RGPD4: variants seen among roughly 807,000 people sequenced by gnomAD.
RGPD4 encodes the protein RANBP2 like and GRIP domain containing 4, also known as ranBP2-like and GRIP domain-containing protein 4.
RGPD4 carries 84 observed loss-of-function variants against 141.1 expected under a neutral mutation model. That is an observed-to-expected ratio of 0.60 (90% CI 0.50 to 0.71). RGPD4 has a LOEUF of 0.71. Ranked by LOEUF, RGPD4 falls within the 30% of genes least tolerant of loss-of-function variation. The pLI, the probability that RGPD4 is intolerant of heterozygous loss-of-function variation, is 0.00. For missense variants in RGPD4, 918 were observed against 1,622.4 expected, an observed-to-expected ratio of 0.57 and a Z score of 7.46; for synonymous variants, 298 against 566.8, an observed-to-expected ratio of 0.53 and a Z score of 6.74.
chr2:107,846,108 A>G (rs1681932851), intron 6 of RGPD4, among the ~76,000 whole-genome samples: 2 of 136,934 alleles, frequency 1.5e-5, no homozygotes, highest in African/African-American at 2.9e-5. Flanking sequence ...TTGTATTTTT[A>G]GTAGAGATGG....
At chr2:107,832,652 G>A (rs1300910755) in intron 1 of RGPD4, among the ~76,000 whole-genome samples, 2 of 141,270 alleles carry the variant, frequency 1.4e-5, no homozygotes, top group Non-Finnish European at 3.1e-5. Context: ...ATACTGGTCA[G>A]GCTGGTCTGG....
intron 22 of RGPD4, among the ~76,000 whole-genome samples, chr2:107,888,698 T>C (rs832341): frequency 0.66 from 47,901 of 72,308 alleles, 17,558 homozygotes; most frequent in African/African-American, 0.8. Flanking sequence ...ATCTTGCTAG[T>C]GGACTCTCTC....
chr2:107,852,296 G>A (rs1357638593), intron 7 of RGPD4, among the ~76,000 whole-genome samples: 3 of 151,740 alleles, frequency 2.0e-5, no homozygotes, highest in South Asian at 2.1e-4. Context: ...ATTTGATTGA[G>A]TGGATTCACA....
intron 17 of RGPD4, among the ~76,000 whole-genome samples, chr2:107,863,564 C>T (rs1682630376): frequency 6.6e-6 from 1 of 151,460 alleles, no homozygotes; most frequent in South Asian, 2.1e-4. Flanking sequence ...GCAATCTTGG[C>T]TCACTGCAAC....
At chr2:107,829,446 G>C (rs1681378637) in intron 1 of RGPD4, among the ~76,000 whole-genome samples, 1 of 42,508 alleles carries the variant, frequency 2.4e-5, no homozygotes, top group African/African-American at 7.0e-5. Flanking sequence ...TTGAGGCGGC[G>C]GCCTCTACCT....
At position 107,872,886 on chromosome 2, in the gene RGPD4, G is replaced by A; in HGVS notation, c.4882G>A (p.Glu1628Lys). The change falls in exon 20 of 23, where the codon GAA becomes AAA. Residue 1628 changes from glutamate to lysine, a missense_variant. Glu to Lys is a moderately conservative substitution (Grantham distance 56, BLOSUM62 1). Coordinates refer to ENST00000408999, the MANE Select transcript of RGPD4 (RefSeq NM_182588.3). ...AAATCTCTCTGCTTCCTTTCCAATG[G>A]AAGAATCTTCAATCAACTACACATT... ...VKNLSASFPM[E>K]ESSINYTFKT... is the part of the protein sequence containing the mutation. The A allele has an allele frequency of 6.3e-7, 1 of 1,585,052 alleles. No individual in the cohort carries two copies. The highest frequency in any genetic ancestry group is 8.5e-7 in the Non-Finnish European group (1 of 1,171,464).
At chr2:107,829,651 G>T (rs1371056490) in intron 1 of RGPD4, among the ~76,000 whole-genome samples, 1 of 152,082 alleles carries the variant, frequency 6.6e-6, no homozygotes, top group Non-Finnish European at 1.5e-5. Context: ...TCCTGTGGGC[G>T]GCGTGGCACT....
intron 7 of RGPD4, 33 bp from the exon 8 acceptor site, chr2:107,854,523 T>G: frequency 8.5e-7 from 1 of 1,170,034 alleles, no homozygotes; most frequent in Admixed American, 2.7e-5. Context: ...ATGGGTATCA[T>G]CAAATTAAGA....
chr2:107,883,146 G>T lies in RGPD4; in HGVS notation c.5266+273G>T, dbSNP rs1223949457. ...AAAATTGGATTTTTATCCTGGTGTT[G>T]CGTTCTGGTGTTCAGCTGAACGTGG... On this transcript the variant is annotated intron_variant, in intron 22 of 22. Coordinates refer to ENST00000408999, the MANE Select transcript of RGPD4 (RefSeq NM_182588.3). 9.2e-6 allele frequency: 6 copies of T among 652,320 alleles called. No individual in the cohort carries two copies. The African/African-American group carries it at 1.1e-4, about 12-fold the overall frequency. 40.4% of individuals were successfully genotyped at this position (652,320 alleles called of 1,614,324 possible).
rs1386385503 is a variant in RGPD4, at chr2:107,872,776, G to C, written c.4772G>C (p.Ser1591Thr). ...AGTGAAACTAGTTCAGTAGCCCAGAGTGGATCTGAAAGCAAAGTGGAACCT... is the reference window on the plus strand; with the variant it reads ...AGTGAAACTAGTTCAGTAGCCCAGACTGGATCTGAAAGCAAAGTGGAACCT... ...NNSETSSVAQ[S>T]GSESKVEPKK... Residue 1591 changes from serine (S) to threonine (T), a missense_variant, in exon 20 of 23, where the codon AGT becomes ACT. Coordinates refer to ENST00000408999, the MANE Select transcript of RGPD4 (RefSeq NM_182588.3). 1 of 1,611,364 alleles carries C rather than the reference G, an allele frequency of 6.2e-7. No individual in the cohort carries two copies. The highest frequency in any genetic ancestry group is 1.1e-5 in the South Asian group (1 of 90,972).
In RGPD4 at chr2:107,847,819, C is replaced by G. The variant is rs1247297597; in HGVS notation, c.783-522C>G. ...CAGCCCAGGCGATAGTGAGAGACTC[C>G]GTCTCAAAAAAAAAAAAAAAAAAAA... On this transcript the variant is annotated intron_variant, in intron 6 of 22. Coordinates refer to ENST00000408999, the MANE Select transcript of RGPD4 (RefSeq NM_182588.3). 3.1e-4 allele frequency among the ~76,000 whole-genome samples: 13 copies of G among 42,136 alleles called. No homozygotes were observed. In the East Asian group the frequency reaches 3.3e-3, roughly 11 times the overall value. 27.6% of individuals were successfully genotyped at this position (42,136 alleles called of 152,430 possible).
chr2:107,884,363 G>T (rs562204350), intron 22 of RGPD4, among the ~76,000 whole-genome samples: 1 of 152,196 alleles, frequency 6.6e-6, no homozygotes, highest in Non-Finnish European at 1.5e-5. Flanking sequence ...GCCTCCCAAA[G>T]TGCTGGGATT....
rs1438968922 is a variant in RGPD4, at chr2:107,871,328, G to C, written c.3324G>C (p.Val1108=). Residue 1108 remains valine, a synonymous_variant, in exon 20 of 23, where the codon GTG becomes GTC. Transcript: ENST00000408999. The part of the protein sequence containing the change: ...MLMRREQVLK[V]CANHWITTTM... ...TGCGAAGAGAACAAGTACTAAAAGT[G>C]TGTGCTAATCATTGGATAACGACTA... The C allele has an allele frequency of 6.3e-7, 1 of 1,599,822 alleles. No individual in the cohort carries two copies. The highest frequency in any genetic ancestry group is 1.7e-5 in the Admixed American group (1 of 58,628).
At chr2:107,885,053 T>C (rs975909902) in intron 22 of RGPD4, among the ~76,000 whole-genome samples, 2 of 152,200 alleles carry the variant, frequency 1.3e-5, no homozygotes, top group African/African-American at 4.8e-5. Context: ...TTCTTCAAAC[T>C]ACAGGATAGG....
rs1682879736 is a variant in RGPD4 at position 107,870,839 on chromosome 2, T to G, written c.2835T>G (p.Thr945=). The G allele has an allele frequency of 6.2e-7, 1 of 1,610,318 alleles. No homozygotes were observed. Among genetic ancestry groups the G allele is most frequent in the African/African-American group, 1.3e-5 (1 of 74,276 alleles). Residue 945 remains threonine, a synonymous_variant, in exon 20 of 23, where the codon ACT becomes ACG. Transcript: ENST00000408999. ...KESEKPLEND[T]GFQAQDISGQ... ...GTGAAAAGCCTCTTGAAAATGATACTGGCTTCCAGGCTCAGGATATTAGTG... is the reference window on the plus strand; with the variant it reads ...GTGAAAAGCCTCTTGAAAATGATACGGGCTTCCAGGCTCAGGATATTAGTG...
intron 22 of RGPD4, among the ~76,000 whole-genome samples, chr2:107,890,472 C>T (rs1645729078): frequency 7.4e-6 from 1 of 134,370 alleles, no homozygotes; most frequent in African/African-American, 2.8e-5. Context: ...TCACTTGAGC[C>T]TGGGAGATCA....
At chr2:107,859,943 C>G in intron 12 of RGPD4, 98 bp downstream of exon 12, 1 of 1,364,806 alleles carries the variant, frequency 7.3e-7, no homozygotes, top group African/African-American at 1.8e-5. Context: ...AAAACAGCAG[C>G]TTTGTCATAT....
At chr2:107,876,341 G>A (rs894344073) in intron 20 of RGPD4, among the ~76,000 whole-genome samples, 17 of 149,978 alleles carry the variant, frequency 1.1e-4, no homozygotes, top group Admixed American at 2.6e-4. Flanking sequence ...CACCCGCCTC[G>A]GCCTCCCAAA....
intron 22 of RGPD4, among the ~76,000 whole-genome samples, chr2:107,888,673 G>T (rs1266863064): frequency 7.3e-6 from 1 of 136,874 alleles, no homozygotes; most frequent in Non-Finnish European, 1.6e-5. Flanking sequence ...TAGATTACAA[G>T]AGATTGTGGC....
Sources: gnomAD v4.1 joint callset for allele counts (sites outside exome capture counted in the v4.1 genomes callset) on GRCh38, gnomAD v4.1.1 for gene constraint, MANE v1.5 for transcripts, NCBI Gene and HGNC (gene_info 2026-07-23, HGNC 2026-07-21) for gene names.